The following UBIAD1 variants were observed in gnomAD, a reference collection of about 807,000 sequenced individuals.
UBIAD1 encodes UbiA prenyltransferase domain containing 1.
A neutral mutation model predicts 20.1 loss-of-function variants in UBIAD1; 12 were observed. That is an observed-to-expected ratio of 0.60 (90% CI 0.38 to 0.97). UBIAD1 has a LOEUF of 0.97. Ranked by LOEUF, UBIAD1 falls within the 50% of genes least tolerant of loss-of-function variation. The pLI, the probability that UBIAD1 is intolerant of heterozygous loss-of-function variation, is 0.00. For synonymous variants in UBIAD1, 207 were observed against 189.2 expected (o/e 1.09, Z -0.77); for missense variants, 333 against 419.5 (o/e 0.79, Z 1.80).
intron 1 of UBIAD1, among the ~76,000 whole-genome samples, chr1:11,277,491 C>T (rs920495335): frequency 1.3e-5 from 2 of 151,820 alleles, no homozygotes; most frequent in African/African-American, 2.4e-5. Context: ...AGGCTGGTCT[C>T]TCTAACTCCT....
intron 1 of UBIAD1, among the ~76,000 whole-genome samples, chr1:11,276,025 A>G (rs1021309425): frequency 3.3e-5 from 5 of 152,174 alleles, no homozygotes; most frequent in Non-Finnish European, 4.4e-5. Flanking sequence ...TGGCTCTGGA[A>G]TGGAGGAGCC....
At chr1:11,280,716 T>G (rs1652213958) in intron 1 of UBIAD1, among the ~76,000 whole-genome samples, 2 of 152,192 alleles carry the variant, frequency 1.3e-5, no homozygotes, top group Admixed American at 1.3e-4. Context: ...CCTTTCAAAA[T>G]GCATGTAGGA....
At chr1:11,284,884 A>G (rs545900397) in intron 1 of UBIAD1, among the ~76,000 whole-genome samples, 7 of 152,288 alleles carry the variant, frequency 4.6e-5, no homozygotes, top group Non-Finnish European at 8.8e-5. Context: ...ATGTTGCAGT[A>G]TCCCAGGCAT....
intron 1 of UBIAD1, among the ~76,000 whole-genome samples, chr1:11,283,214 G>A (rs1652303041): frequency 6.6e-6 from 1 of 152,184 alleles, no homozygotes; most frequent in African/African-American, 2.4e-5. Context: ...GGAGACTCCA[G>A]CCAAAGGTCA....
At chr1:11,298,115 A>G (rs1246967346), downstream of UBIAD1, among the ~76,000 whole-genome samples, 1 of 152,076 alleles carries the variant, frequency 6.6e-6, no homozygotes, top group East Asian at 2.0e-4. This position sits in a 1 kb window ranked among gnomAD's most constrained non-coding sequence, Gnocchi z 4.0. Context: ...ATGCACCACC[A>G]TGCCCAGCTA....
In UBIAD1 at chr1:11,285,871, G is replaced by T. The variant is rs1245495523; in HGVS notation, c.757G>T (p.Gly253Cys). Reference protein sequence around the residue: ...AGIVTLAILIGPTFSYILYNT... With the variant: ...AGIVTLAILICPTFSYILYNT... Reference sequence around the variant, plus strand: ...TATCGTCACGCTGGCCATCCTCATCGGCCCCACGTTCTCCTACATTCTCTA... The same window carrying T: ...TATCGTCACGCTGGCCATCCTCATCTGCCCCACGTTCTCCTACATTCTCTA... The change falls in exon 2 of 2, where the codon GGC becomes TGC. Residue 253 changes from glycine to cysteine, a missense_variant. Coordinates refer to ENST00000376810, the MANE Select transcript of UBIAD1 (RefSeq NM_013319.3). This position sits in a 1 kb window ranked among gnomAD's most constrained non-coding sequence, Gnocchi z 4.4. 2.5e-6 allele frequency: 4 copies of T among 1,614,096 alleles called. No homozygotes were observed. The highest frequency in any genetic ancestry group is 2.2e-5 in the South Asian group (2 of 91,084).
At chr1:11,277,021 G>C (rs1158185189) in intron 1 of UBIAD1, among the ~76,000 whole-genome samples, 26 of 152,062 alleles carry the variant, frequency 1.7e-4, no homozygotes, top group Admixed American at 1.7e-3. Context: ...CAGATCACCT[G>C]AGTTCAGGAG....
rs770167991 is a variant in UBIAD1 at position 11,286,148 on chromosome 1, C to T, written c.*17C>T. ...AAAATTTAAGGGGACAAGTAGCTCC[C>T]CCCACGACATGTCTCCCTTTCTTAG... On this transcript the variant is annotated 3_prime_UTR_variant, in exon 2 of 2. Transcript: ENST00000376810. 4 of 1,614,002 alleles carry T rather than the reference C, an allele frequency of 2.5e-6. No homozygotes were observed. Among genetic ancestry groups the T allele is most frequent in the Admixed American group, 1.7e-5 (1 of 60,002 alleles).
chr1:11,276,744 C>T (rs1423561902), intron 1 of UBIAD1, among the ~76,000 whole-genome samples: 1 of 149,962 alleles, frequency 6.7e-6, no homozygotes, highest in African/African-American at 2.5e-5. Flanking sequence ...TGTCACTTAA[C>T]CTTAAGTGCA....
rs751366767 is a variant in UBIAD1 at position 11,285,971 on chromosome 1, C to G, written c.857C>G (p.Pro286Arg). Residue 286 changes from proline to arginine, a missense_variant, in exon 2 of 2, where the codon CCC becomes CGC. Around this residue, in one of 3 missense-constraint regions of UBIAD1, gnomAD observed 226 missense variants for 263.5 expected, o/e 0.86. Transcript: ENST00000376810. This position sits in a 1 kb window ranked among gnomAD's most constrained non-coding sequence, Gnocchi z 4.4. ...ATHCTISLAL[P>R]LLTIPMAFSL... ...CACTGCACCATCAGCCTGGCACTCC[C>G]CCTGCTTACCATTCCCATGGCCTTC... 1 of 1,614,212 alleles carries G rather than the reference C, an allele frequency of 6.2e-7. No individual in the cohort carries two copies. Among genetic ancestry groups the G allele is most frequent in the South Asian group, 1.1e-5 (1 of 91,084 alleles).
intron 1 of UBIAD1, among the ~76,000 whole-genome samples, chr1:11,283,036 AT>A (rs1320061080): frequency 2.7e-5 from 4 of 149,578 alleles, no homozygotes; most frequent in Admixed American, 1.3e-4. Flanking sequence ...AATTTTTTGT[AT>A]TTTTAGTGGA....
intron 1 of UBIAD1, among the ~76,000 whole-genome samples, chr1:11,293,896 G>A (rs1323461896): frequency 6.6e-6 from 1 of 151,794 alleles, no homozygotes; most frequent in Non-Finnish European, 1.5e-5. Flanking sequence ...GGCTGGTTTC[G>A]AACTGATCTC....
At chr1:11,289,440 C>G (rs1245745164), downstream of UBIAD1, among the ~76,000 whole-genome samples, 1 of 152,046 alleles carries the variant, frequency 6.6e-6, no homozygotes, top group Non-Finnish European at 1.5e-5. Flanking sequence ...AAGCAATACA[C>G]TAAGGTCCCA....
intron 1 of UBIAD1, among the ~76,000 whole-genome samples, chr1:11,294,371 ACTC>A (rs1192150391): frequency 6.6e-6 from 1 of 152,028 alleles, no homozygotes; most frequent in African/African-American, 2.4e-5. Flanking sequence ...CTGGTCTCAA[ACTC>A]CTGGCCTCAA....
At chr1:11,291,468 G>A (rs1638364417), downstream of UBIAD1, among the ~76,000 whole-genome samples, 2 of 141,842 alleles carry the variant, frequency 1.4e-5, no homozygotes, top group South Asian at 2.2e-4. Flanking sequence ...TTAGCTGGGC[G>A]TGGTGGTGCA....
chr1:11,294,938 C>A, exon 2 of UBIAD1: 1 of 717,522 alleles, frequency 1.4e-6, no homozygotes, highest in South Asian at 1.5e-5. Context: ...CTCCCAGAAA[C>A]TGCCTAGTGA....
chr1:11,274,005 G>T lies in UBIAD1; in HGVS notation c.474G>T (p.Glu158Asp). The T allele has an allele frequency of 6.2e-7, 1 of 1,614,184 alleles. No individual in the cohort carries two copies. Among genetic ancestry groups the T allele is most frequent in the Non-Finnish European group, 8.5e-7 (1 of 1,180,036 alleles). ...CLYYLSPLKL[E>D]HLALIYFGGL... ...ACTACCTGTCCCCTCTGAAACTGGA[G>T]CACTTGGCTCTTATCTACTTTGGAG... is the stretch of plus-strand genomic sequence containing the variant. The change falls in exon 1 of 2, where the codon GAG becomes GAT. Residue 158 changes from glutamate to aspartate, a missense_variant. This residue lies in a region of UBIAD1 where 226 missense variants were observed against 263.5 expected (regional missense o/e 0.86). Coordinates refer to ENST00000376810, the MANE Select transcript of UBIAD1 (RefSeq NM_013319.3).
At position 11,285,804 on chromosome 1, in the gene UBIAD1, T is replaced by C; in HGVS notation, c.690T>C (p.His230=). ...CCCTCAGCACCGAGGCCATTCTCCA[T>C]TCCAACAACACCAGGGACATGGAGT... The part of the protein sequence containing the change: ...PLALSTEAIL[H]SNNTRDMESD... The change falls in exon 2 of 2, where the codon CAT becomes CAC. Residue 230 remains histidine, a synonymous_variant. Coordinates refer to ENST00000376810, the MANE Select transcript of UBIAD1 (RefSeq NM_013319.3). The surrounding 1 kb of genome is among the most constrained non-coding windows in gnomAD (Gnocchi z 4.4). 1.2e-6 allele frequency: 2 copies of C among 1,614,212 alleles called. No homozygotes were observed. Among genetic ancestry groups the C allele is most frequent in the Non-Finnish European group, 1.7e-6 (2 of 1,180,034 alleles).
Position 11,286,355 on chromosome 1 carries a change from G to A in UBIAD1, c.*224G>A. ...TTAAAAACCATTCTTGTATCAGAAG[G>A]TGAATTAGGCGCATGGTCTTTGTTT... On this transcript the variant is annotated 3_prime_UTR_variant, in exon 2 of 2. Transcript: ENST00000376810. The A allele has an allele frequency of 1.6e-6, 1 of 613,592 alleles. No individual in the cohort carries two copies. Among genetic ancestry groups the A allele is most frequent in the South Asian group, 2.0e-5 (1 of 49,720 alleles). 38.0% of individuals were successfully genotyped at this position (613,592 alleles called of 1,614,324 possible). A position where few individuals can be genotyped will look rare whatever the true frequency, so the allele number is the denominator to read the frequency against.
Sources: allele counts gnomAD v4.1 joint callset (sites outside exome capture counted in the v4.1 genomes callset), GRCh38; gene constraint gnomAD v4.1.1; regional missense constraint gnomAD v4.1.1; non-coding constraint Gnocchi (gnomAD v3.1); transcripts MANE v1.5; gene names NCBI Gene and HGNC (gene_info 2026-07-23, HGNC 2026-07-21).